SAMD3: variants seen among roughly 807,000 people sequenced by gnomAD.
SAMD3 encodes the protein sterile alpha motif domain-containing protein 3.
Under a neutral mutation model 58.5 loss-of-function variants are expected in SAMD3, and 63 were observed. The ratio of observed to expected loss-of-function variants is 1.08; its 90% CI spans 0.88 to 1.33. The LOEUF (loss-of-function observed/expected upper bound fraction) is 1.33, where lower values mean the gene tolerates loss of function less well. SAMD3 is among the 40% of genes most tolerant of loss of function. The pLI, the probability that SAMD3 is intolerant of heterozygous loss-of-function variation, is 0.00. For missense variants in SAMD3, 604 were observed against 608.4 expected (o/e 0.99, Z 0.08); for synonymous variants, 220 against 210.3 (o/e 1.05, Z -0.40).
intron 2 of SAMD3, among the ~76,000 whole-genome samples, chr6:130,298,193 A>G (rs1348670965): frequency 1.3e-5 from 2 of 152,226 alleles, no homozygotes; most frequent in Non-Finnish European, 2.9e-5. Context: ...TTCTCAGCAG[A>G]AACATTACAA....
intron 8 of SAMD3, among the ~76,000 whole-genome samples, chr6:130,173,968 T>C (rs1791486269): frequency 6.6e-6 from 1 of 152,150 alleles, no homozygotes. Flanking sequence ...CCCAGCTCCT[T>C]AGTACTGTCA....
chr6:130,288,585 C>T (rs1011355275), intron 2 of SAMD3, among the ~76,000 whole-genome samples: 1 of 152,166 alleles, frequency 6.6e-6, no homozygotes, highest in Non-Finnish European at 1.5e-5. Flanking sequence ...GGTGAAAGTT[C>T]GGCTTTGGGT....
At position 130,184,473 on chromosome 6, in the gene SAMD3, G is replaced by C; in HGVS notation, c.534C>G (p.Leu178=). Residue 178 remains leucine (L), a synonymous_variant, in exon 6 of 12, where the codon CTC becomes CTG. Coordinates refer to ENST00000439090, the MANE Select transcript of SAMD3 (RefSeq NM_001017373.4). ...HSMRIRIIEF[L]QADMTKYLEG... is the part of the protein sequence containing the mutation. The stretch of plus-strand genomic sequence containing the variant: ...CCAGATACTTAGTCATGTCGGCCTG[G>C]AGAAACTCAATGATCCTTATCCTCA... The C allele has an allele frequency of 6.2e-7, 1 of 1,614,082 alleles. No individual in the cohort carries two copies. The highest frequency in any genetic ancestry group is 1.1e-5 in the South Asian group (1 of 91,066).
chr6:130,200,163 CAA>C (rs1794514948), intron 5 of SAMD3, among the ~76,000 whole-genome samples: 1 of 152,046 alleles, frequency 6.6e-6, no homozygotes, highest in Admixed American at 6.6e-5. Context: ...AACAGAAATG[CAA>C]AGTTTCAGAA....
intron 2 of SAMD3, among the ~76,000 whole-genome samples, chr6:130,216,285 G>A (rs9492496): frequency 0.72 from 108,706 of 151,934 alleles, 39,013 homozygotes; most frequent in Middle Eastern, 0.8. Context: ...AATTTAAAAC[G>A]TTTTAACCTT....
intron 5 of SAMD3, among the ~76,000 whole-genome samples, chr6:130,202,604 T>C (rs201949222): frequency 6.6e-6 from 1 of 152,198 alleles, no homozygotes; most frequent in African/African-American, 2.4e-5. Flanking sequence ...TGTTGTAATG[T>C]TAATAGATGT....
At position 130,207,169 on chromosome 6, in the gene SAMD3, A is replaced by AAAGAAAG. The variant is rs1554262249; in HGVS notation, c.383+2325_383+2326insCTTTCTT. Reference sequence around the variant, plus strand: ...TAGACCCCATCTCATCAAAAAAAAAAAAAGAAAAAAAAGAAAAAGAAAAAA... The same window carrying AAAGAAAG: ...TAGACCCCATCTCATCAAAAAAAAAAAAGAAAGAAAGAAAAAAAAGAAAAAGAAAAAA... On this transcript the variant is annotated intron_variant, in intron 5 of 11. Coordinates refer to ENST00000439090, the MANE Select transcript of SAMD3 (RefSeq NM_001017373.4). Among the ~76,000 whole-genome samples, 6 of 140,914 alleles carry AAAGAAAG rather than the reference A, an allele frequency of 4.3e-5. 1 individual carries two copies. Among genetic ancestry groups the AAAGAAAG allele is most frequent in the Non-Finnish European group, 6.1e-5 (4 of 65,472 alleles). 92.4% of individuals were successfully genotyped at this position (140,914 alleles called of 152,430 possible).
At chr6:130,289,826 T>C (rs902039786) in intron 2 of SAMD3, among the ~76,000 whole-genome samples, 1 of 152,152 alleles carries the variant, frequency 6.6e-6, no homozygotes, top group Non-Finnish European at 1.5e-5. Flanking sequence ...AACCATGTAG[T>C]CAGAAGACCT....
At chr6:130,365,629 G>A, upstream of SAMD3, 1 of 985,474 alleles carries the variant, frequency 1.0e-6, no homozygotes. Context: ...CTCGGTAACC[G>A]GTGGTCCCGC....
intron 5 of SAMD3, among the ~76,000 whole-genome samples, chr6:130,185,806 A>T (rs1047318099): frequency 6.6e-6 from 1 of 151,592 alleles, no homozygotes; most frequent in East Asian, 1.9e-4. Flanking sequence ...AATATTTTTT[A>T]TTTTTTGTGG....
rs71810571 is a variant in SAMD3 at position 130,248,179 on chromosome 6, CGTGTGTGTGT to C, written c.-187-25376_-187-25367del. On this transcript the variant is annotated intron_variant, in intron 2 of 13. Transcript: ENST00000368134. ...AATCATTTCATTTTTAAGTGTTTTGCGTGTGTGTGTGTGTGTGTGTGTGTGTGTGTGTGTT... is the reference window on the plus strand; with the variant it reads ...AATCATTTCATTTTTAAGTGTTTTGCGTGTGTGTGTGTGTGTGTGTGTGTT... Among the ~76,000 whole-genome samples the C allele has an allele frequency of 4.8e-4, 70 of 146,392 alleles. 1 individual carries two copies. The South Asian group carries it at 0.01, about 21-fold the overall frequency.
intron 2 of SAMD3, 26 bp from the exon 3 acceptor site, chr6:130,215,320 C>A (rs752077817): frequency 6.9e-7 from 1 of 1,449,882 alleles, no homozygotes; most frequent in Non-Finnish European, 9.4e-7. Flanking sequence ...TCAGAGAATT[C>A]TCCAGCTTTT....
At chr6:130,225,389 G>A (rs999291379), upstream of SAMD3, among the ~76,000 whole-genome samples, 1 of 152,178 alleles carries the variant, frequency 6.6e-6, no homozygotes, top group African/African-American at 2.4e-5. Context: ...AAGGAGTAAG[G>A]GAGCAATTAC....
intron 1 of SAMD3, among the ~76,000 whole-genome samples, chr6:130,218,425 C>T (rs1325897851): frequency 6.6e-6 from 1 of 152,216 alleles, no homozygotes; most frequent in Non-Finnish European, 1.5e-5. Flanking sequence ...TCCAATGGAA[C>T]ATAACATCTC....
At chr6:130,188,757 C>T (rs940891073) in intron 5 of SAMD3, among the ~76,000 whole-genome samples, 2 of 152,180 alleles carry the variant, frequency 1.3e-5, no homozygotes, top group Non-Finnish European at 2.9e-5. Context: ...TACTTCCTCA[C>T]ACCCCTTTTC....
chr6:130,290,918 T>G (rs1175879670), intron 2 of SAMD3, among the ~76,000 whole-genome samples: 1 of 152,252 alleles, frequency 6.6e-6, no homozygotes, highest in Admixed American at 6.5e-5. Context: ...CTGTTTTCCC[T>G]TTCCTCTGGG....
At chr6:130,322,212 C>T (rs548592159) in intron 1 of SAMD3, among the ~76,000 whole-genome samples, 7 of 152,210 alleles carry the variant, frequency 4.6e-5, no homozygotes, top group South Asian at 2.1e-4. Context: ...GGGACAGAGG[C>T]GGAATCTGGT....
chr6:130,267,292 G>A (rs11154550), intron 2 of SAMD3, among the ~76,000 whole-genome samples: 47,283 of 152,048 alleles, frequency 0.31, 7,731 homozygotes, highest in East Asian at 0.47. Flanking sequence ...AGGAGTTATA[G>A]TAGTAATAGG....
In SAMD3 at chr6:130,346,863, G is replaced by T. The variant is rs749793629; in HGVS notation, c.-304+18257C>A. ...GTGGACTGACACCTCACACGGAGGG[G>T]TACTCCTCTGAGACAAAACTTCCAG... On this transcript the variant is annotated intron_variant, in intron 1 of 13. Transcript: ENST00000368134. Among the ~76,000 whole-genome samples the T allele has an allele frequency of 5.3e-5, 8 of 152,182 alleles. No individual in the cohort carries two copies. In the South Asian group the frequency reaches 8.3e-4, roughly 16 times the overall value.
Sources: gnomAD v4.1 joint callset for allele counts (sites outside exome capture counted in the v4.1 genomes callset) on GRCh38, gnomAD v4.1.1 for gene constraint, MANE v1.5 for transcripts, NCBI Gene and HGNC (gene_info 2026-07-23, HGNC 2026-07-21) for gene names.